The following CACNA2D2 variants were observed in gnomAD, a reference collection of about 807,000 sequenced individuals.
CACNA2D2 encodes calcium voltage-gated channel auxiliary subunit alpha2delta 2.
A neutral mutation model predicts 166.4 loss-of-function variants in CACNA2D2; 48 were observed. The observed-to-expected ratio is 0.29, with a 90% confidence interval of 0.23 to 0.37. The LOEUF (loss-of-function observed/expected upper bound fraction) is 0.37. Among genes scored for constraint, CACNA2D2 ranks in the 10% least tolerant of loss-of-function variants. The pLI is 1.00. For missense variants in CACNA2D2, 1,122 were observed against 1,433.0 expected, an observed-to-expected ratio of 0.78 and a Z score of 3.50; for synonymous variants, 561 against 573.7, an observed-to-expected ratio of 0.98 and a Z score of 0.32.
chr3:50,499,724 T>C (rs1203942193), intron 1 of CACNA2D2, among the ~76,000 whole-genome samples: 1 of 152,214 alleles, frequency 6.6e-6, no homozygotes, highest in Non-Finnish European at 1.5e-5. Flanking sequence ...AGTCTCTCCA[T>C]GGGGACATGA....
chr3:50,374,689 C>G, intron 22 of CACNA2D2, 48 bp downstream of exon 22: 5 of 1,553,832 alleles, frequency 3.2e-6, no homozygotes, highest in Non-Finnish European at 4.4e-6. Context: ...GGCCAGGGTG[C>G]GGGGCAGAGG....
At chr3:50,398,440 T>C (rs1399006347) in intron 3 of CACNA2D2, among the ~76,000 whole-genome samples, 2 of 152,150 alleles carry the variant, frequency 1.3e-5, no homozygotes, top group Non-Finnish European at 2.9e-5. Flanking sequence ...GGTAAGTGTC[T>C]TGTGGCTGTC....
chr3:50,472,544 G>A (rs989935810), intron 2 of CACNA2D2, among the ~76,000 whole-genome samples: 7 of 152,166 alleles, frequency 4.6e-5, no homozygotes, highest in South Asian at 2.1e-4. Flanking sequence ...GTGTCTCTCC[G>A]AGGTCAGGAA....
intron 3 of CACNA2D2, among the ~76,000 whole-genome samples, chr3:50,409,859 G>A (rs531882897): frequency 6.6e-6 from 1 of 152,308 alleles, no homozygotes; most frequent in East Asian, 1.9e-4. Context: ...GGACCCAGCG[G>A]GCACGAGGAG....
chr3:50,427,049 TG>T lies in CACNA2D2; in HGVS notation c.405+7263del. Among the ~76,000 whole-genome samples the T allele has an allele frequency of 6.6e-6, 1 of 152,274 alleles. No homozygotes were observed. Among genetic ancestry groups the T allele is most frequent in the African/African-American group, 2.4e-5 (1 of 41,564 alleles). On this transcript the variant is annotated intron_variant, in intron 3 of 37. Coordinates refer to ENST00000424201, the MANE Select transcript of CACNA2D2 (RefSeq NM_006030.4). This position sits in a 1 kb window ranked among gnomAD's most constrained non-coding sequence, Gnocchi z 4.7. ...GGCCGTCCCCACACTCATGTCCAGC[TG>T]TTGGGGGTAGCGTCTTTGCCCAAGG...
chr3:50,398,428 T>C (rs1228434191), intron 3 of CACNA2D2, among the ~76,000 whole-genome samples: 1 of 152,088 alleles, frequency 6.6e-6, no homozygotes, highest in Non-Finnish European at 1.5e-5. Context: ...CTGGGTTTGG[T>C]GGGTAAGTGT....
chr3:50,379,253 C>T lies in CACNA2D2; in HGVS notation c.1153-54G>A. 6.6e-7 allele frequency: 1 copy of T among 1,508,768 alleles called. No individual in the cohort carries two copies. The highest frequency in any genetic ancestry group is 9.2e-7 in the Non-Finnish European group (1 of 1,085,630). The allele number at this position is 1,508,768 out of a possible 1,614,324, so 93.5% of individuals were successfully genotyped here. A position where few individuals can be genotyped will look rare whatever the true frequency, so the allele number is the denominator to read the frequency against. ...CTCTCAGCCCTCCCTGGTCCAGGGG[C>T]AGGGCCTCCCTCCCGCAGTGGGCCT... On this transcript the variant is annotated intron_variant, in intron 11 of 37. Transcript: ENST00000424201. The surrounding 1 kb of genome is among the most constrained non-coding windows in gnomAD (Gnocchi z 6.5).
intron 1 of CACNA2D2, among the ~76,000 whole-genome samples, chr3:50,488,691 GT>G (rs942446229): frequency 6.1e-4 from 89 of 145,636 alleles, no homozygotes; most frequent in East Asian, 6.1e-4. Flanking sequence ...TTTTCCTGGT[GT>G]TTTTTTTTTG....
At chr3:50,443,190 C>T (rs997684228) in intron 2 of CACNA2D2, among the ~76,000 whole-genome samples, 4 of 152,200 alleles carry the variant, frequency 2.6e-5, no homozygotes, top group African/African-American at 4.8e-5. Flanking sequence ...TCGCCGGGTG[C>T]GGCCGGCTGG....
chr3:50,481,168 C>T (rs1048116556), intron 1 of CACNA2D2, among the ~76,000 whole-genome samples: 1 of 151,804 alleles, frequency 6.6e-6, no homozygotes, highest in Non-Finnish European at 1.5e-5. Context: ...TCAGAGGGCA[C>T]GGGTGGGTGT....
intron 2 of CACNA2D2, among the ~76,000 whole-genome samples, chr3:50,462,847 G>A (rs1159529969): frequency 2.0e-5 from 3 of 150,658 alleles, no homozygotes; most frequent in Non-Finnish European, 3.0e-5. Flanking sequence ...ACACTGATTT[G>A]AAAACCCTAA....
intron 21 of CACNA2D2, among the ~76,000 whole-genome samples, 178 bp from the exon 22 acceptor site, chr3:50,374,991 A>G (rs587670913): frequency 6.6e-6 from 1 of 152,140 alleles, no homozygotes; most frequent in South Asian, 2.1e-4. Flanking sequence ...GGCACCCTGG[A>G]GGCTCTCCAC....
intron 3 of CACNA2D2, among the ~76,000 whole-genome samples, chr3:50,410,485 G>GGGGT (rs1706955292): frequency 1.3e-5 from 2 of 152,138 alleles, no homozygotes; most frequent in East Asian, 3.9e-4. Flanking sequence ...TGGGATGGGG[G>GGGGT]GGGGGGTGTT....
chr3:50,397,028 CCT>C (rs1217715380), intron 3 of CACNA2D2, among the ~76,000 whole-genome samples: 1 of 152,180 alleles, frequency 6.6e-6, no homozygotes, highest in Non-Finnish European at 1.5e-5. Flanking sequence ...GCTCCTTCAC[CCT>C]CTTAGGGCTC....
chr3:50,465,622 G>A (rs1709796062), intron 2 of CACNA2D2, among the ~76,000 whole-genome samples: 1 of 152,232 alleles, frequency 6.6e-6, no homozygotes, highest in East Asian at 1.9e-4. Flanking sequence ...CATGCTGATG[G>A]GGAGGCGCAC....
Position 50,417,034 on chromosome 3 carries a change from G to A in CACNA2D2, c.405+17279C>T, listed in dbSNP as rs187707527. 9.9e-4 allele frequency among the ~76,000 whole-genome samples: 151 copies of A among 152,344 alleles called. 2 individuals carry two copies. In the Middle Eastern group the frequency reaches 0.01, roughly 10 times the overall value. ...GTGGTTGCAGACAGGGGAAGAACAG[G>A]GAGAAATGTGTGCCCATGGGTTTTA... On this transcript the variant is annotated intron_variant, in intron 3 of 37. Transcript: ENST00000424201.
At chr3:50,429,821 C>G (rs905611642) in intron 3 of CACNA2D2, among the ~76,000 whole-genome samples, 14 of 151,782 alleles carry the variant, frequency 9.2e-5, no homozygotes, top group Non-Finnish European at 1.8e-4. Context: ...TCATCTGTGG[C>G]ACGTTAAAAC....
intron 2 of CACNA2D2, among the ~76,000 whole-genome samples, chr3:50,442,041 C>T (rs1045225246): frequency 6.6e-6 from 1 of 152,250 alleles, no homozygotes; most frequent in African/African-American, 2.4e-5. Flanking sequence ...GGATTCCAGG[C>T]TGCCATCGTT....
chr3:50,373,140 AAAAC>A, intron 22 of CACNA2D2: 2 of 1,485,118 alleles, frequency 1.3e-6, no homozygotes, highest in South Asian at 2.4e-5. Flanking sequence ...CACAAACACA[AAAAC>A]AAACGAAAAG....
Sources: gnomAD v4.1 joint callset for allele counts (sites outside exome capture counted in the v4.1 genomes callset) on GRCh38, gnomAD v4.1.1 for gene constraint, Gnocchi (gnomAD v3.1) non-coding constraint, MANE v1.5 for transcripts, NCBI Gene and HGNC (gene_info 2026-07-23, HGNC 2026-07-21) for gene names.